Variants in FGF14 observed in about 807,000 individuals in gnomAD.
The protein encoded by FGF14 is fibroblast growth factor 14, also known as fibroblast growth factor homologous factor 4.
A neutral mutation model predicts 25.5 loss-of-function variants in FGF14; 5 were observed. That is an observed-to-expected ratio of 0.20 (90% CI 0.10 to 0.41). The LOEUF (loss-of-function observed/expected upper bound fraction) is 0.41, where lower values mean the gene tolerates loss of function less well. FGF14 is among the 10% of genes least tolerant of loss of function. The pLI is 1.00. For synonymous variants in FGF14, 138 were observed against 118.3 expected, an observed-to-expected ratio of 1.17 and a Z score of -1.08; for missense variants, 222 against 320.1, an observed-to-expected ratio of 0.69 and a Z score of 2.34.
At chr13:101,821,379 A>G (rs951462099) in intron 3 of FGF14, among the ~76,000 whole-genome samples, 1 of 152,152 alleles carries the variant, frequency 6.6e-6, no homozygotes, top group Non-Finnish European at 1.5e-5. Flanking sequence ...ATAGTGTGTT[A>G]CTTTCACTGC....
At chr13:102,030,230 C>T (rs151312171) in intron 1 of FGF14, among the ~76,000 whole-genome samples, 96 of 152,074 alleles carry the variant, frequency 6.3e-4, no homozygotes, top group African/African-American at 2.2e-3. Context: ...CCAAGAAAAA[C>T]TGTACTTTGT....
chr13:101,788,328 G>A lies in FGF14; in HGVS notation c.409-61518C>T, dbSNP rs1362069008. Among the ~76,000 whole-genome samples, 11 of 152,166 alleles carry A rather than the reference G, an allele frequency of 7.2e-5. No homozygotes were observed. The East Asian group carries it at 2.1e-3, about 29-fold the overall frequency. On this transcript the variant is annotated intron_variant, in intron 3 of 4. Transcript: ENST00000376143. Reference sequence around the variant, plus strand: ...GAAATGTCTGCTTTCTGATTTCCCTGTCCAGGCTGTCTCTGTCAGATTAGA... The same window carrying A: ...GAAATGTCTGCTTTCTGATTTCCCTATCCAGGCTGTCTCTGTCAGATTAGA...
chr13:102,264,099 G>A (rs573302736), intron 1 of FGF14, among the ~76,000 whole-genome samples: 82 of 150,840 alleles, frequency 5.4e-4, no homozygotes, highest in South Asian at 8.3e-4. Context: ...TAATAAATTC[G>A]GGGAACCAAT....
intron 3 of FGF14, among the ~76,000 whole-genome samples, chr13:101,781,000 TG>T (rs2140028651): frequency 6.6e-6 from 1 of 152,124 alleles, no homozygotes; most frequent in South Asian, 2.1e-4. Flanking sequence ...CAGCCACACA[TG>T]TCCATCTTCC....
intron 1 of FGF14, among the ~76,000 whole-genome samples, chr13:101,993,031 T>G (rs1245275471): frequency 6.6e-6 from 1 of 151,554 alleles, no homozygotes; most frequent in Non-Finnish European, 1.5e-5. Flanking sequence ...TATATCATAC[T>G]CAAACTGCAG....
At position 101,720,540 on chromosome 13, in the gene FGF14, GTGTGTGTGTGTGTGTGTGTGTGTGTATA is replaced by G. The variant is rs2034901179; in HGVS notation, c.*2263_*2290del. Reference sequence around the variant, plus strand: ...ATGGGGGTGTTTGCTCTGTGTGTGTGTGTGTGTGTGTGTGTGTGTGTGTGTATATGTGTGTGTTTGTGTGAAGTGAAGT... The same window carrying G: ...ATGGGGGTGTTTGCTCTGTGTGTGTGTGTGTGTGTTTGTGTGAAGTGAAGT... On this transcript the variant is annotated 3_prime_UTR_variant, in exon 5 of 5. Coordinates refer to ENST00000376143, the MANE Select transcript of FGF14 (RefSeq NM_004115.4). 6.9e-6 allele frequency: 1 copy of G among 145,136 alleles called. No individual in the cohort carries two copies. The highest frequency in any genetic ancestry group is 2.0e-4 in the East Asian group (1 of 4,976). 9.0% of individuals were successfully genotyped at this position (145,136 alleles called of 1,614,324 possible).
At chr13:102,251,369 A>G (rs571408458) in intron 1 of FGF14, among the ~76,000 whole-genome samples, 43 of 152,138 alleles carry the variant, frequency 2.8e-4, no homozygotes, top group Middle Eastern at 3.4e-3. Flanking sequence ...CTTTTATGGC[A>G]CTCTAAGCCT....
At chr13:102,137,100 A>T (rs1594104577) in intron 1 of FGF14, among the ~76,000 whole-genome samples, 1 of 152,174 alleles carries the variant, frequency 6.6e-6, no homozygotes, top group Non-Finnish European at 1.5e-5. Context: ...TGGTTGCTTC[A>T]TTATGCTCTT....
At chr13:102,311,517 G>C (rs2055766731) in intron 1 of FGF14, among the ~76,000 whole-genome samples, 1 of 152,026 alleles carries the variant, frequency 6.6e-6, no homozygotes, top group African/African-American at 2.4e-5. Context: ...CATGCATTTG[G>C]GACAGGTTGG....
At chr13:101,830,313 T>G (rs2042606508) in intron 3 of FGF14, among the ~76,000 whole-genome samples, 1 of 152,000 alleles carries the variant, frequency 6.6e-6, no homozygotes, top group Non-Finnish European at 1.5e-5. Flanking sequence ...ATTGTTGTGA[T>G]GAAGGATAGA....
intron 3 of FGF14, among the ~76,000 whole-genome samples, chr13:101,754,124 T>C (rs1205745536): frequency 6.6e-6 from 1 of 152,172 alleles, no homozygotes; most frequent in Admixed American, 6.5e-5. Context: ...TCTTCCTAGT[T>C]TGGAGTTGGA....
At chr13:101,995,064 A>G (rs2039107878) in intron 1 of FGF14, among the ~76,000 whole-genome samples, 1 of 152,178 alleles carries the variant, frequency 6.6e-6, no homozygotes. Context: ...ACCACAGGAT[A>G]AAAATAATTA....
chr13:101,885,711 A>C (rs912060071), intron 1 of FGF14, among the ~76,000 whole-genome samples: 4 of 151,936 alleles, frequency 2.6e-5, no homozygotes, highest in African/African-American at 9.7e-5. Flanking sequence ...GAAAAAAAAA[A>C]AAAAAACTGC....
intron 1 of FGF14, among the ~76,000 whole-genome samples, chr13:101,901,143 G>A (rs2031492803): frequency 6.6e-6 from 1 of 151,892 alleles, no homozygotes; most frequent in Non-Finnish European, 1.5e-5. Flanking sequence ...GTTGTCTCCT[G>A]GATTTTATGG....
intron 1 of FGF14, among the ~76,000 whole-genome samples, chr13:102,384,168 G>A (rs1487735290): frequency 2.0e-5 from 3 of 152,046 alleles, no homozygotes; most frequent in Non-Finnish European, 4.4e-5. Flanking sequence ...AGCAAAAAAG[G>A]GAAGTTAAAA....
chr13:102,253,069 T>C (rs1399816886), intron 1 of FGF14, among the ~76,000 whole-genome samples: 1 of 152,236 alleles, frequency 6.6e-6, no homozygotes, highest in Admixed American at 6.5e-5. Flanking sequence ...CAGTCTATAA[T>C]TGATGGGCAT....
intron 1 of FGF14, among the ~76,000 whole-genome samples, chr13:101,994,213 A>G (rs942419437): frequency 8.5e-5 from 13 of 152,168 alleles, no homozygotes; most frequent in Middle Eastern, 6.8e-3. Flanking sequence ...TTGGTTCTAA[A>G]TGATTGTTAT....
intron 1 of FGF14, among the ~76,000 whole-genome samples, chr13:102,312,581 A>G (rs147111044): frequency 2.1e-3 from 317 of 152,356 alleles, no homozygotes; most frequent in African/African-American, 7.2e-3. Flanking sequence ...TATGAATGGC[A>G]TTATACCACT....
intron 1 of FGF14, among the ~76,000 whole-genome samples, chr13:102,381,935 G>C (rs937106937): frequency 6.6e-6 from 1 of 152,150 alleles, no homozygotes; most frequent in Non-Finnish European, 1.5e-5. Flanking sequence ...TGAAAAATTA[G>C]ATGTCTACAG....
Sources: allele counts gnomAD v4.1 joint callset (sites outside exome capture counted in the v4.1 genomes callset), GRCh38; gene constraint gnomAD v4.1.1; transcripts MANE v1.5; gene names NCBI Gene and HGNC (gene_info 2026-07-23, HGNC 2026-07-21).